Variants in THAP7 observed in about 807,000 individuals in gnomAD.
THAP7 encodes THAP domain-containing protein 7.
Under a neutral mutation model 29.2 loss-of-function variants are expected in THAP7, and 22 were observed. The observed-to-expected ratio is 0.75, with a 90% CI of 0.54 to 1.08. THAP7 has a LOEUF of 1.08. Ranked by LOEUF, THAP7 falls within the 50% of genes least tolerant of loss-of-function variation. THAP7 has a pLI of 0.00. For synonymous variants in THAP7, 208 were observed against 173.4 expected, an observed-to-expected ratio of 1.20 and a Z score of -1.57; for missense variants, 448 against 416.2, an observed-to-expected ratio of 1.08 and a Z score of -0.66.
Position 20,999,615 on chromosome 22 carries a change from CCTGT to C in THAP7, c.*261_*264del. On this transcript the variant is annotated 3_prime_UTR_variant, in exon 4 of 4. Coordinates refer to ENST00000215742, the MANE Select transcript of THAP7 (RefSeq NM_030573.3). ...GCTGCGCTAGCAGGGCTGACTGCCA[CCTGT>C]CTACCAGTAGCTCTGAGGGGTGAGA... The C allele has an allele frequency of 1.9e-6, 1 of 515,368 alleles. No individual in the cohort carries two copies. The highest frequency in any genetic ancestry group is 3.5e-6 in the Non-Finnish European group (1 of 288,478). 31.9% of individuals were successfully genotyped at this position (515,368 alleles called of 1,614,324 possible).
At chr22:21,001,719 G>A (rs1925177537) in intron 1 of THAP7, 113 bp downstream of exon 1, 6 of 1,204,826 alleles carry the variant, frequency 5.0e-6, no homozygotes, top group Non-Finnish European at 2.3e-6. Context: ...CCCACCCACA[G>A]GTTCAAGCCT....
In THAP7 at chr22:21,000,685, G is replaced by A. The variant is rs375259959; in HGVS notation, c.339C>T (p.Gly113=). Residue 113 remains glycine (G), a synonymous_variant, in exon 3 of 4, where the codon GGC becomes GGT. Coordinates refer to ENST00000215742, the MANE Select transcript of THAP7 (RefSeq NM_030573.3). ...GTCTGAGCCGGCTGACTTCAGCGGG[G>A]CCAGGTGGGTAACTGTGTCCTTTGG... is the stretch of plus-strand genomic sequence containing the variant. ...TKTKGHSYPP[G]PAEVSRLRRC... 24 of 1,614,056 alleles carry A rather than the reference G, an allele frequency of 1.5e-5. No homozygotes were observed. The highest frequency in any genetic ancestry group is 8.8e-5 in the South Asian group (8 of 91,092).
At position 21,001,367 on chromosome 22, in the gene THAP7, T is replaced by C. The variant is rs1445922469; in HGVS notation, c.125A>G (p.Asn42Ser). The change falls in exon 2 of 4, where the codon AAC becomes AGC. Residue 42 changes from asparagine (N) to serine (S), a missense_variant. Physicochemically the swap from Asn to Ser is conservative, Grantham distance 46. Coordinates refer to ENST00000215742, the MANE Select transcript of THAP7 (RefSeq NM_030573.3). ...GCCGCTGGGGTCCAGCCGCTGGCAG[T>C]TGGCCAGCCACAAGCCTCGCCTCGG... ...DNPRRGLWLA[N>S]CQRLDPSGQG... The C allele has an allele frequency of 1.2e-6, 2 of 1,613,296 alleles. No homozygotes were observed. The highest frequency in any genetic ancestry group is 1.7e-6 in the Non-Finnish European group (2 of 1,179,982).
Position 20,999,967 on chromosome 22 carries a change from C to T in THAP7, c.843G>A (p.Arg281=). 6.2e-7 allele frequency: 1 copy of T among 1,612,790 alleles called. No homozygotes were observed. The highest frequency in any genetic ancestry group is 1.1e-5 in the South Asian group (1 of 91,080). The change falls in exon 4 of 4, where the codon CGG becomes CGA. Residue 281 remains arginine, a synonymous_variant. Coordinates refer to ENST00000215742, the MANE Select transcript of THAP7 (RefSeq NM_030573.3). ...RLTKLQQERA[R]EKRAQADARQ... ...GGGCATCTGCCTGTGCCCGCTTCTC[C>T]CGTGCCCGCTCCTGCTGCAGCTTGG...
At chr22:21,000,579 G>A (rs907976358) in intron 3 of THAP7, 68 bp downstream of exon 3, 9 of 1,603,180 alleles carry the variant, frequency 5.6e-6, no homozygotes, top group Middle Eastern at 1.7e-4. Context: ...ACTGCTGGCA[G>A]ACACCCCTAG....
intron 2 of THAP7, 143 bp downstream of exon 2, chr22:21,001,113 G>T (rs1264112115): frequency 4.1e-6 from 5 of 1,212,628 alleles, no homozygotes; most frequent in Non-Finnish European, 4.6e-6. Flanking sequence ...TGATCCTGGG[G>T]GTGGGTTTCA....
Position 21,001,312 on chromosome 22 carries a change from G to A in THAP7, c.180C>T (p.Tyr60=), listed in dbSNP as rs1402841678. The A allele has an allele frequency of 5.0e-6, 8 of 1,614,142 alleles. No homozygotes were observed. The South Asian group carries it at 6.6e-5, about 13-fold the overall frequency. Residue 60 remains tyrosine (Y), a synonymous_variant, in exon 2 of 4, where the codon TAC becomes TAT. Coordinates refer to ENST00000215742, the MANE Select transcript of THAP7 (RefSeq NM_030573.3). ...GQGLWDPASE[Y]IYFCSKHFEE... ...CAAAGTGTTTGGAGCAGAAGTAGAT[G>A]TACTCGGATGCCGGGTCCCACAGGC... is the stretch of plus-strand genomic sequence containing the variant.
intron 1 of THAP7, 196 bp downstream of exon 1, chr22:21,001,636 C>A (rs950101178): frequency 1.1e-6 from 1 of 895,124 alleles, no homozygotes; most frequent in African/African-American, 1.7e-5. Context: ...TGGGGCGGGT[C>A]CAAGCCGGCT....
chr22:21,000,495 C>G, intron 3 of THAP7, 63 bp from the exon 4 acceptor site: 1 of 1,541,286 alleles, frequency 6.5e-7, no homozygotes. Context: ...CCCCCTCCAC[C>G]AGCCCACCTG....
chr22:21,001,905 G>A lies in THAP7; in HGVS notation c.7C>T (p.Arg3Cys). MP[R>C]HCSAAGCCTR... ...CAGCAGCCGGCGGCGGAGCAGTGAC[G>A]CGGCATCTGGGAAAGAGGCGGGAGT... The change falls in exon 1 of 4, where the codon CGT becomes TGT. Residue 3 changes from arginine to cysteine, a missense_variant. By Grantham distance (180) the Arg-to-Cys change is radical. Transcript: ENST00000215742. The A allele has an allele frequency of 6.4e-7, 1 of 1,568,510 alleles. No individual in the cohort carries two copies. Among genetic ancestry groups the A allele is most frequent in the South Asian group, 1.2e-5 (1 of 85,284 alleles).
chr22:21,001,843 G>A lies in THAP7; in HGVS notation c.69C>T (p.Ile23=), dbSNP rs767597243. 5.6e-5 allele frequency: 88 copies of A among 1,558,198 alleles called. No individual in the cohort carries two copies. Among genetic ancestry groups the A allele is most frequent in the Non-Finnish European group, 7.2e-5 (83 of 1,153,370 alleles). Residue 23 remains isoleucine (I), a synonymous_variant, in exon 1 of 4, where the codon ATC becomes ATT. Transcript: ENST00000215742. ...GCACGCGCGCTGACCTGTGGAAGGA[G>A]ATGCCGCGGTTGCGCGTCTCGCGCG... is the stretch of plus-strand genomic sequence containing the variant. ...RDTRETRNRG[I]SFHRLPKKDN... is the part of the protein sequence containing the mutation.
Position 21,002,117 on chromosome 22 carries a change from G to A in THAP7, c.-206C>T. The A allele has an allele frequency of 1.8e-6, 1 of 552,848 alleles. No homozygotes were observed. Among genetic ancestry groups the A allele is most frequent in the Non-Finnish European group, 3.1e-6 (1 of 319,736 alleles). 34.2% of individuals were successfully genotyped at this position (552,848 alleles called of 1,614,324 possible). On this transcript the variant is annotated 5_prime_UTR_variant, in exon 1 of 4. Coordinates refer to ENST00000215742, the MANE Select transcript of THAP7 (RefSeq NM_030573.3). ...GCCATTGCTGCGCCGCCGAAGTCTC[G>A]CGAGGGGTAGCGCGCGCCGGAAGTT...
At chr22:21,001,043 G>C in intron 2 of THAP7, 2 of 855,304 alleles carry the variant, frequency 2.3e-6, no homozygotes, top group Non-Finnish European at 3.5e-6. Context: ...TGGCAAGACT[G>C]GGGCTCTGAA....
intron 2 of THAP7, chr22:21,001,021 T>C (rs1925133929): frequency 2.4e-6 from 2 of 847,904 alleles, no homozygotes; most frequent in Non-Finnish European, 3.6e-6. Context: ...ATTCTTTGAT[T>C]TGTGGACTTG....
At chr22:21,001,484 G>T in intron 1 of THAP7, 73 bp from the exon 2 acceptor site, 1 of 1,545,302 alleles carries the variant, frequency 6.5e-7, no homozygotes, top group Non-Finnish European at 8.7e-7. Context: ...CACCCCAGAG[G>T]GGAAACGCAG....
intron 2 of THAP7, 95 bp downstream of exon 2, chr22:21,001,161 C>T (rs1925143073): frequency 3.9e-6 from 6 of 1,531,912 alleles, no homozygotes; most frequent in Admixed American, 1.8e-5. Flanking sequence ...CCCCCTTGGA[C>T]GCAGGCTGCT....
Position 21,002,015 on chromosome 22 carries a change from GT to G in THAP7, c.-105del, listed in dbSNP as rs1925206624. 2 of 1,176,090 alleles carry G rather than the reference GT, an allele frequency of 1.7e-6. No homozygotes were observed. Among genetic ancestry groups the G allele is most frequent in the African/African-American group, 3.2e-5 (2 of 62,598 alleles). 72.9% of individuals were successfully genotyped at this position (1,176,090 alleles called of 1,614,324 possible). A position where few individuals can be genotyped will look rare whatever the true frequency, so the allele number is the denominator to read the frequency against. ...TCCCCAAGGGGCTCTGGCCTGTCGG[GT>G]CCCCCCCGGCCCGTTGTCGCCCCAA... On this transcript the variant is annotated 5_prime_UTR_variant, in exon 1 of 4. Transcript: ENST00000215742.
In THAP7 at chr22:21,000,184, A is replaced by G; in HGVS notation, c.626T>C (p.Val209Ala). Residue 209 changes from valine (V) to alanine (A), a missense_variant, in exon 4 of 4, where the codon GTC becomes GCC. Val to Ala is a moderately conservative substitution (Grantham distance 64, BLOSUM62 0). Coordinates refer to ENST00000215742, the MANE Select transcript of THAP7 (RefSeq NM_030573.3). Reference protein sequence around the residue: ...RQPSPLEPRPVSPSAYMLRLP... With the variant: ...RQPSPLEPRPASPSAYMLRLP... ...GCGCAGCATATACGCTGAGGGGGAGACTGGCCGTGGTTCGAGAGGGGAGGG... is the reference window on the plus strand; with the variant it reads ...GCGCAGCATATACGCTGAGGGGGAGGCTGGCCGTGGTTCGAGAGGGGAGGG... 1 of 1,565,318 alleles carries G rather than the reference A, an allele frequency of 6.4e-7. No individual in the cohort carries two copies. The highest frequency in any genetic ancestry group is 2.4e-5 in the East Asian group (1 of 42,038).
rs1391772384 is a variant in THAP7 at position 21,000,292 on chromosome 22, C to T, written c.518G>A (p.Ser173Asn). Residue 173 changes from serine (S) to asparagine (N), a missense_variant, in exon 4 of 4, where the codon AGC becomes AAC. Transcript: ENST00000215742. ...PAGRLEPGLS[S>N]PFSDLLGPLG... is the part of the protein sequence containing the mutation. The stretch of plus-strand genomic sequence containing the variant: ...GGGGCCCAGTAGGTCTGAAAAGGGG[C>T]TGCTAAGGCCAGGCTCCAGCCTCCC... 2 of 1,555,994 alleles carry T rather than the reference C, an allele frequency of 1.3e-6. No homozygotes were observed. The highest frequency in any genetic ancestry group is 2.7e-5 in the African/African-American group (2 of 73,472).
Sources: allele counts gnomAD v4.1 joint callset, GRCh38; gene constraint gnomAD v4.1.1; transcripts MANE v1.5; gene names NCBI Gene and HGNC (gene_info 2026-07-23, HGNC 2026-07-21).